ABCB5: variants seen among roughly 807,000 people sequenced by gnomAD.
ABCB5 encodes ATP-binding cassette sub-family B member 5.
ABCB5 carries 155 observed loss-of-function variants against 144.2 expected under a neutral mutation model. The ratio of observed to expected loss-of-function variants is 1.08; its 90% confidence interval spans 0.94 to 1.23. The LOEUF (loss-of-function observed/expected upper bound fraction) is 1.23. Among genes scored for constraint, ABCB5 ranks in the 50% most tolerant of loss-of-function variants. The probability of loss-of-function intolerance (pLI) is 0.00; values close to 1 mark genes in which losing one functional copy is unlikely to be tolerated. For missense variants in ABCB5, 1,830 were observed against 1,520.8 expected, an observed-to-expected ratio of 1.20 and a Z score of -3.38; for synonymous variants, 610 against 528.6, an observed-to-expected ratio of 1.15 and a Z score of -2.11.
intron 23 of ABCB5, among the ~76,000 whole-genome samples, chr7:20,732,942 A>C (rs1023092673): frequency 6.6e-6 from 1 of 152,200 alleles, no homozygotes; most frequent in Non-Finnish European, 1.5e-5. Context: ...ATTACTTATG[A>C]AAATTGCTAT....
At chr7:20,643,124 T>A (rs904548656) in intron 5 of ABCB5, 60 bp from the exon 6 acceptor site, 4 of 1,403,568 alleles carry the variant, frequency 2.8e-6, no homozygotes, top group Non-Finnish European at 3.9e-6. Context: ...CGATTTTTTA[T>A]GTGTGTAACA....
chr7:20,749,822 T>C (rs1286664605), intron 26 of ABCB5, among the ~76,000 whole-genome samples: 3 of 152,136 alleles, frequency 2.0e-5, no homozygotes, highest in African/African-American at 7.2e-5. Flanking sequence ...TCAAGTAGAA[T>C]TTCAGTAGTC....
At chr7:20,640,696 G>T (rs1464544261) in intron 5 of ABCB5, among the ~76,000 whole-genome samples, 2 of 152,156 alleles carry the variant, frequency 1.3e-5, no homozygotes, top group Non-Finnish European at 2.9e-5. Context: ...GCCACTCTGT[G>T]CATGTCCATA....
At chr7:20,740,833 G>T (rs1382073181) in intron 24 of ABCB5, among the ~76,000 whole-genome samples, 1 of 152,138 alleles carries the variant, frequency 6.6e-6, no homozygotes, top group Non-Finnish European at 1.5e-5. Context: ...TGGGCAGGGT[G>T]TGGTGGCTTA....
At chr7:20,623,227 C>A in intron 1 of ABCB5, 38 bp from the exon 2 acceptor site, 1 of 1,192,378 alleles carries the variant, frequency 8.4e-7, no homozygotes, top group Non-Finnish European at 1.2e-6. Context: ...TGATAAAAGT[C>A]ACATAGCCAT....
chr7:20,700,196 T>A (rs1786572044), intron 19 of ABCB5, 61 bp downstream of exon 19: 4 of 1,367,706 alleles, frequency 2.9e-6, no homozygotes, highest in Middle Eastern at 2.6e-4. Flanking sequence ...ACATTCTAGC[T>A]TTAATTCTGT....
Position 20,650,020 on chromosome 7 carries a change from A to C in ABCB5, c.1207-2A>C. 6.2e-7 allele frequency: 1 copy of C among 1,610,420 alleles called. No individual in the cohort carries two copies. The highest frequency in any genetic ancestry group is 8.5e-7 in the Non-Finnish European group (1 of 1,178,010). Reference sequence around the variant, plus strand: ...TGATTTTCCCTCCATACATTCCAATAGATTCTGAAAGGTCTGAATCTCAGA... The same window carrying C: ...TGATTTTCCCTCCATACATTCCAATCGATTCTGAAAGGTCTGAATCTCAGA... On this transcript the variant is annotated splice_acceptor_variant, in intron 11 of 27. Transcript: ENST00000404938. LOFTEE classifies it high-confidence loss of function.
intron 27 of ABCB5, 123 bp downstream of exon 27, chr7:20,753,629 A>C: frequency 1.7e-6 from 2 of 1,148,900 alleles, no homozygotes; most frequent in Non-Finnish European, 2.4e-6. Context: ...TAAGGTCACC[A>C]GTTCCAATTA....
At chr7:20,632,135 A>G (rs1354540378) in intron 5 of ABCB5, 22 bp downstream of exon 5, 1 of 1,462,226 alleles carries the variant, frequency 6.8e-7, no homozygotes, top group Admixed American at 2.6e-5. Context: ...TGAAACGTTA[A>G]TATCACATTC....
chr7:20,754,216 A>G (rs1783015165), intron 27 of ABCB5, among the ~76,000 whole-genome samples: 1 of 152,230 alleles, frequency 6.6e-6, no homozygotes, highest in African/African-American at 2.4e-5. Flanking sequence ...TAAGGCTTAG[A>G]TTAAGTAACT....
chr7:20,627,677 C>T (rs7802772), intron 3 of ABCB5, among the ~76,000 whole-genome samples: 16,898 of 131,444 alleles, frequency 0.13, 2,142 homozygotes, highest in African/African-American at 0.34. Flanking sequence ...ATCATTGACC[C>T]CCTTAAATAT....
rs778345637 is a variant in ABCB5, at chr7:20,643,494, T to C, written c.540T>C (p.Asp180=). The C allele has an allele frequency of 1.9e-6, 3 of 1,613,944 alleles. No individual in the cohort carries two copies. The highest frequency in any genetic ancestry group is 1.7e-5 in the Admixed American group (1 of 60,012). ...ACAAAATCAGTGATGGTATTGGAGA[T>C]AAGATTGCTCTGTTGTTTCAAAACA... ...DIDKISDGIG[D]KIALLFQNMS... The change falls in exon 7 of 28, where the codon GAT becomes GAC. Residue 180 remains aspartate (D), a synonymous_variant. Coordinates refer to ENST00000404938, the MANE Select transcript of ABCB5 (RefSeq NM_001163941.2).
chr7:20,739,728 T>C (rs1782502237), intron 24 of ABCB5, among the ~76,000 whole-genome samples: 1 of 152,122 alleles, frequency 6.6e-6, no homozygotes, highest in African/African-American at 2.4e-5. Flanking sequence ...TTTTTTTTTC[T>C]CTGATAATAT....
At chr7:20,649,381 T>C (rs1290680818) in intron 11 of ABCB5, among the ~76,000 whole-genome samples, 2 of 152,126 alleles carry the variant, frequency 1.3e-5, no homozygotes, top group Non-Finnish European at 2.9e-5. Context: ...CAAAGATAGG[T>C]GAGAATTTCT....
intron 4 of ABCB5, 21 bp downstream of exon 4, chr7:20,628,859 C>G: frequency 6.2e-7 from 1 of 1,611,180 alleles, no homozygotes. Context: ...GATTATTTTT[C>G]TGTATCACTT....
chr7:20,701,585 G>T (rs543869731), intron 19 of ABCB5, among the ~76,000 whole-genome samples: 2 of 152,104 alleles, frequency 1.3e-5, no homozygotes, highest in Non-Finnish European at 2.9e-5. Context: ...TATTTTGATG[G>T]TTAATACTGG....
chr7:20,644,230 A>G (rs964029741), intron 7 of ABCB5, among the ~76,000 whole-genome samples: 3 of 151,966 alleles, frequency 2.0e-5, no homozygotes, highest in African/African-American at 7.3e-5. Flanking sequence ...GACTACAGGC[A>G]ACCACGCCCA....
At chr7:20,677,903 G>C (rs1785667657) in intron 14 of ABCB5, among the ~76,000 whole-genome samples, 1 of 152,084 alleles carries the variant, frequency 6.6e-6, no homozygotes, top group Admixed American at 6.5e-5. Context: ...CATAGTTTGT[G>C]GGGTCCAGCA....
intron 20 of ABCB5, among the ~76,000 whole-genome samples, chr7:20,721,935 T>C (rs1781881348): frequency 6.6e-6 from 1 of 152,224 alleles, no homozygotes; most frequent in African/African-American, 2.4e-5. Flanking sequence ...ACTCAAGCCA[T>C]CTTTTCCAAA....
Sources: gnomAD v4.1 joint callset for allele counts (sites outside exome capture counted in the v4.1 genomes callset) on GRCh38, gnomAD v4.1.1 for gene constraint, MANE v1.5 for transcripts, NCBI Gene and HGNC (gene_info 2026-07-23, HGNC 2026-07-21) for gene names.